Variants in SSH3 observed in about 807,000 individuals in gnomAD.
The protein encoded by SSH3 is protein phosphatase Slingshot homolog 3.
SSH3 carries 67 observed loss-of-function variants against 75.0 expected under a neutral mutation model. The observed-to-expected ratio is 0.89, with a 90% CI of 0.73 to 1.10. SSH3 has a LOEUF of 1.10. SSH3 is among the 50% of genes least tolerant of loss of function. The pLI, the probability that SSH3 is intolerant of heterozygous loss-of-function variation, is 0.00. For synonymous variants in SSH3, 318 were observed against 349.2 expected, an observed-to-expected ratio of 0.91 and a Z score of 1.00; for missense variants, 824 against 872.7, an observed-to-expected ratio of 0.94 and a Z score of 0.70.
In SSH3 at chr11:67,308,234, G is replaced by A. The variant is rs754314670; in HGVS notation, c.946G>A (p.Asp316Asn). ...LPLQQYRDFI[D>N]NQMLLLVAQR... ...CCTCCAGCAGTACCGTGACTTCATC[G>A]ACAACCAGATGCTGCTGCTGGTGGC... Residue 316 changes from aspartate to asparagine, a missense_variant, in exon 9 of 14, where the codon GAC becomes AAC. Physicochemically the swap from Asp to Asn is conservative, Grantham distance 23. Coordinates refer to ENST00000308127, the MANE Select transcript of SSH3 (RefSeq NM_017857.4). The surrounding 1 kb of genome is among the most constrained non-coding windows in gnomAD (Gnocchi z 4.9). The A allele has an allele frequency of 8.1e-6, 13 of 1,614,142 alleles. No individual in the cohort carries two copies. The highest frequency in any genetic ancestry group is 4.4e-5 in the South Asian group (4 of 91,088).
At chr11:67,306,785 G>T in intron 3 of SSH3, 53 bp from the exon 4 acceptor site, 1 of 1,551,824 alleles carries the variant, frequency 6.4e-7, no homozygotes, top group South Asian at 1.2e-5. Flanking sequence ...TGTCTAGGTG[G>T]GGAGCAGGGT....
In SSH3 at chr11:67,303,583, G is replaced by A. The variant is rs910205406; in HGVS notation, c.-43G>A. ...GGACTGTCCGCGGGGTTGAGGGAAG[G>A]GGCCGTGCCCGGTGCCAGCCCAGGT... is the stretch of plus-strand genomic sequence containing the variant. On this transcript the variant is annotated 5_prime_UTR_variant, in exon 1 of 14. Coordinates refer to ENST00000308127, the MANE Select transcript of SSH3 (RefSeq NM_017857.4). The A allele has an allele frequency of 6.6e-6, 10 of 1,513,354 alleles. No homozygotes were observed. The highest frequency in any genetic ancestry group is 7.9e-6 in the Non-Finnish European group (9 of 1,135,784). 93.7% of individuals were successfully genotyped at this position (1,513,354 alleles called of 1,614,324 possible).
chr11:67,309,989 G>A, intron 12 of SSH3, 21 bp downstream of exon 12: 1 of 1,609,956 alleles, frequency 6.2e-7, no homozygotes, highest in Non-Finnish European at 8.5e-7. Flanking sequence ...GGAGCGAGTG[G>A]CAGGGGGTGA....
chr11:67,312,497 T>C lies in SSH3; in HGVS notation c.*610T>C, dbSNP rs145588629. On this transcript the variant is annotated 3_prime_UTR_variant, in exon 14 of 14. Coordinates refer to ENST00000308127, the MANE Select transcript of SSH3 (RefSeq NM_017857.4). ...AGATCACAGGGCACCAGGCCAGAGA[T>C]AGTCTTCTTTTTGTCCTTTCTGGCC... 1.7e-3 allele frequency: 264 copies of C among 154,270 alleles called. No homozygotes were observed. Among genetic ancestry groups the C allele is most frequent in the South Asian group, 0.01 (52 of 5,138 alleles). The allele number at this position is 154,270 out of a possible 1,614,324, so 9.6% of individuals were successfully genotyped here.
Position 67,308,103 on chromosome 11 carries a change from T to C in SSH3, c.886-71T>C. The C allele has an allele frequency of 6.3e-7, 1 of 1,588,194 alleles. No homozygotes were observed. On this transcript the variant is annotated intron_variant, in intron 8 of 13. Coordinates refer to ENST00000308127, the MANE Select transcript of SSH3 (RefSeq NM_017857.4). The surrounding 1 kb of genome is among the most constrained non-coding windows in gnomAD (Gnocchi z 4.9). ...TGGGATAGGGTGCTGTCCTCAGAGG[T>C]CCCAGAGGGAAGGTGGCAGGTTGGG...
In SSH3 at chr11:67,306,777, T is replaced by G. The variant is rs888675242; in HGVS notation, c.340-61T>G. On this transcript the variant is annotated intron_variant, in intron 3 of 13. Transcript: ENST00000308127. ...TCAGCACTGTTCTGGGCCTGGGGTG[T>G]CTAGGTGGGGAGCAGGGTCCTTGGG... The G allele has an allele frequency of 3.3e-6, 5 of 1,534,118 alleles. No individual in the cohort carries two copies. In the African/African-American group the frequency reaches 6.8e-5, roughly 21 times the overall value.
rs1378473060 is a variant in SSH3 at position 67,307,281 on chromosome 11, C to T, written c.537-90C>T. ...TGATCCTGAGCAAGGCACCTGACTC[C>T]TGGGTCTCGGCTTCCCGTATCCAGC... On this transcript the variant is annotated intron_variant, in intron 5 of 13. Transcript: ENST00000308127. This position sits in a 1 kb window ranked among gnomAD's most constrained non-coding sequence, Gnocchi z 4.2. The T allele has an allele frequency of 1.6e-5, 25 of 1,579,908 alleles. No individual in the cohort carries two copies. In the Admixed American group the frequency reaches 4.4e-4, roughly 28 times the overall value.
intron 3 of SSH3, among the ~76,000 whole-genome samples, chr11:67,305,629 C>G (rs1243239993): frequency 6.6e-6 from 1 of 152,184 alleles, no homozygotes; most frequent in African/African-American, 2.4e-5. Flanking sequence ...TTCTCCTCAA[C>G]CAGTAGAAGA....
Position 67,307,556 on chromosome 11 carries a change from C to T in SSH3, c.610C>T (p.Leu204Phe). The change falls in exon 7 of 14, where the codon CTC becomes TTC. Residue 204 changes from leucine to phenylalanine, a missense_variant. Physicochemically the swap from Leu to Phe is conservative, Grantham distance 22. Transcript: ENST00000308127. The surrounding 1 kb of genome is among the most constrained non-coding windows in gnomAD (Gnocchi z 4.2). Reference protein sequence around the residue: ...PISIQTMWATLQVLHQACEAA... With the variant: ...PISIQTMWATFQVLHQACEAA... ...CCTCTCCTCCTGTCTCAGGGCCACA[C>T]TCCAGGTATTGCACCAAGCATGTGA... 1 of 1,610,100 alleles carries T rather than the reference C, an allele frequency of 6.2e-7. No homozygotes were observed. Among genetic ancestry groups the T allele is most frequent in the Non-Finnish European group, 8.5e-7 (1 of 1,177,690 alleles).
rs1357284178 is a variant in SSH3 at position 67,312,002 on chromosome 11, ACTACAGCCTCACCTC to A, written c.*117_*131del. 3 of 1,401,530 alleles carry A rather than the reference ACTACAGCCTCACCTC, an allele frequency of 2.1e-6. No individual in the cohort carries two copies. In the African/African-American group the frequency reaches 4.4e-5, roughly 20 times the overall value. 86.8% of individuals were successfully genotyped at this position (1,401,530 alleles called of 1,614,324 possible). ...CTCTCAGCTCCGCCCCATACCCGTC[ACTACAGCCTCACCTC>A]CCACCCCTGTCACTACGGCCTCACC... On this transcript the variant is annotated 3_prime_UTR_variant, in exon 14 of 14. Coordinates refer to ENST00000308127, the MANE Select transcript of SSH3 (RefSeq NM_017857.4).
At position 67,307,047 on chromosome 11, in the gene SSH3, C is replaced by T. The variant is rs745967318; in HGVS notation, c.470C>T (p.Pro157Leu). ...TTCCCTCTGTCCCCTGCCAGCTCCC[C>T]CAGCTGCACCCTGGGCCTGGTCTTG... ...LGVDFPDSSS[P>L]SCTLGLVLPL... Residue 157 changes from proline to leucine, a missense_variant, in exon 5 of 14, where the codon CCC becomes CTC. By Grantham distance (98) the Pro-to-Leu change is moderately conservative (BLOSUM62 -3). Transcript: ENST00000308127. This position sits in a 1 kb window ranked among gnomAD's most constrained non-coding sequence, Gnocchi z 4.2. The T allele has an allele frequency of 2.0e-5, 33 of 1,613,914 alleles. No homozygotes were observed. The highest frequency in any genetic ancestry group is 2.5e-5 in the Non-Finnish European group (29 of 1,179,970).
chr11:67,306,683 C>T (rs988635317), intron 3 of SSH3, among the ~76,000 whole-genome samples, 155 bp from the exon 4 acceptor site: 2 of 152,116 alleles, frequency 1.3e-5, no homozygotes, highest in Admixed American at 6.5e-5. Flanking sequence ...CGCTTTTTTC[C>T]ACACAGTCCC....
Position 67,307,582 on chromosome 11 carries a change from G to A in SSH3, c.636G>A (p.Glu212=). ...ATLQVLHQAC[E]AALGSGLVPG... is the part of the protein sequence containing the mutation. ...TCCAGGTATTGCACCAAGCATGTGA[G>A]GCAGCTCTAGGCAGCGGCCTTGTAC... is the stretch of plus-strand genomic sequence containing the variant. Residue 212 remains glutamate, a synonymous_variant, in exon 7 of 14, where the codon GAG becomes GAA. Transcript: ENST00000308127. The surrounding 1 kb of genome is among the most constrained non-coding windows in gnomAD (Gnocchi z 4.2). The A allele has an allele frequency of 6.2e-7, 1 of 1,612,222 alleles. No homozygotes were observed. Among genetic ancestry groups the A allele is most frequent in the East Asian group, 2.2e-5 (1 of 44,858 alleles).
chr11:67,308,357 A>T lies in SSH3; in HGVS notation c.1014+55A>T. 1.9e-6 allele frequency: 3 copies of T among 1,613,694 alleles called. No homozygotes were observed. On this transcript the variant is annotated intron_variant, in intron 9 of 13. Coordinates refer to ENST00000308127, the MANE Select transcript of SSH3 (RefSeq NM_017857.4). This position sits in a 1 kb window ranked among gnomAD's most constrained non-coding sequence, Gnocchi z 4.9. The stretch of plus-strand genomic sequence containing the variant: ...GACCGCTGGCAGCTGTGAGGGCGGC[A>T]GGCCAGGAGCAGAGGCTGGAGGAGA...
chr11:67,308,785 C>T lies in SSH3; in HGVS notation c.1061+327C>T, dbSNP rs1051529398. On this transcript the variant is annotated intron_variant, in intron 10 of 13. Coordinates refer to ENST00000308127, the MANE Select transcript of SSH3 (RefSeq NM_017857.4). The surrounding 1 kb of genome is among the most constrained non-coding windows in gnomAD (Gnocchi z 4.9). ...AGCAGAAAAAGGCTCCTCTTGAATG[C>T]GCCTGTGGGCCCAGCTACTTGGGAG... is the stretch of plus-strand genomic sequence containing the variant. 1.3e-4 allele frequency among the ~76,000 whole-genome samples: 20 copies of T among 151,966 alleles called. No individual in the cohort carries two copies. Among genetic ancestry groups the T allele is most frequent in the African/African-American group, 2.4e-4 (10 of 41,368 alleles).
At position 67,308,460 on chromosome 11, in the gene SSH3, T is replaced by G; in HGVS notation, c.1061+2T>G. ...CCTGGAGGAGCTGCAGAGGAACAGG[T>G]AGGGCTATGAGCCCCTCGGGCCACC... On this transcript the variant is annotated splice_donor_variant, in intron 10 of 13. Transcript: ENST00000308127. LOFTEE classifies it high-confidence loss of function. The surrounding 1 kb of genome is among the most constrained non-coding windows in gnomAD (Gnocchi z 4.9). 1.9e-6 allele frequency: 3 copies of G among 1,588,490 alleles called. No homozygotes were observed. The highest frequency in any genetic ancestry group is 2.6e-6 in the Non-Finnish European group (3 of 1,167,868).
At chr11:67,303,851 C>A in intron 1 of SSH3, 160 bp downstream of exon 1, 1 of 795,552 alleles carries the variant, frequency 1.3e-6, no homozygotes, top group Non-Finnish European at 1.8e-6. Flanking sequence ...CTGGTACTGG[C>A]GCCGGGGCAC....
rs566196481 is a variant in SSH3, at chr11:67,305,011, A to C, written c.339+4A>C. The C allele has an allele frequency of 7.8e-5, 125 of 1,604,900 alleles. 1 individual carries two copies. The South Asian group carries it at 1.2e-3, about 16-fold the overall frequency. On this transcript the variant is annotated splice_donor_region_variant and intron_variant, in intron 3 of 13. Transcript: ENST00000308127. ...GCCGCAGGATGACATCCGCCTGGTG[A>C]GGGCCCATGTGGAGCTCCGGGGGGT...
rs779520748 is a variant in SSH3 at position 67,309,546 on chromosome 11, C to T, written c.1208+3C>T. 1.1e-5 allele frequency: 18 copies of T among 1,613,072 alleles called. No homozygotes were observed. The highest frequency in any genetic ancestry group is 2.2e-5 in the East Asian group (1 of 44,884). ...CACCGCTTCATTGAGGCTGCAAGGTCGGTCTCCTGGCTTTGCTGCCTGCCC... is the reference window on the plus strand; with the variant it reads ...CACCGCTTCATTGAGGCTGCAAGGTTGGTCTCCTGGCTTTGCTGCCTGCCC... On this transcript the variant is annotated splice_donor_region_variant and intron_variant, in intron 11 of 13. Transcript: ENST00000308127.
Sources: gnomAD v4.1 joint callset for allele counts (sites outside exome capture counted in the v4.1 genomes callset) on GRCh38, gnomAD v4.1.1 for gene constraint, Gnocchi (gnomAD v3.1) non-coding constraint, MANE v1.5 for transcripts, NCBI Gene and HGNC (gene_info 2026-07-23, HGNC 2026-07-21) for gene names.